Variants in GRIK3 observed in about 807,000 individuals in gnomAD.
The protein encoded by GRIK3 is glutamate ionotropic receptor kainate type subunit 3, also known as glutamate receptor ionotropic, kainate 3.
GRIK3 carries 29 observed loss-of-function variants against 102.5 expected under a neutral mutation model. The ratio of observed to expected loss-of-function variants is 0.28; its 90% CI spans 0.21 to 0.39. The LOEUF is 0.39. GRIK3 is among the 10% of genes least tolerant of loss of function. GRIK3 has a pLI of 1.00. For synonymous variants in GRIK3, 511 were observed against 504.9 expected (o/e 1.01, Z -0.16); for missense variants, 908 against 1,252.4 (o/e 0.73, Z 4.15).
rs549140841 is a variant in GRIK3, at chr1:36,806,572, G to C, written c.2092-246C>G. Among the ~76,000 whole-genome samples the C allele has an allele frequency of 1.1e-4, 17 of 152,282 alleles. No individual in the cohort carries two copies. The highest frequency in any genetic ancestry group is 4.1e-4 in the African/African-American group (17 of 41,562). On this transcript the variant is annotated intron_variant, in intron 13 of 15. Transcript: ENST00000373091. The surrounding 1 kb of genome is among the most constrained non-coding windows in gnomAD (Gnocchi z 4.0). ...CCTGCTTCCTGGAAACCCTGGCCAT[G>C]GCACAAGTGGTCTTCAAGCTGACTT...
intron 1 of GRIK3, among the ~76,000 whole-genome samples, chr1:36,961,567 C>A (rs1340306878): frequency 1.3e-5 from 2 of 152,178 alleles, no homozygotes; most frequent in Non-Finnish European, 2.9e-5. Flanking sequence ...TGGGGGAGCC[C>A]CTTCCCTCCG....
At chr1:36,955,509 C>T (rs1457574100) in intron 1 of GRIK3, among the ~76,000 whole-genome samples, 2 of 152,234 alleles carry the variant, frequency 1.3e-5, no homozygotes, top group African/African-American at 4.8e-5. Flanking sequence ...GAACCACAGA[C>T]ACAGCACACA....
chr1:36,850,481 C>T lies in GRIK3; in HGVS notation c.1213-57G>A. On this transcript the variant is annotated intron_variant, in intron 8 of 15. Transcript: ENST00000373091. This position sits in a 1 kb window ranked among gnomAD's most constrained non-coding sequence, Gnocchi z 4.0. ...GAGTCCTTGGTCTACCCATCTTCCT[C>T]CATATCGACAAGACCTTCATCTCAT... 1 of 998,740 alleles carries T rather than the reference C, an allele frequency of 1.0e-6. No individual in the cohort carries two copies. Among genetic ancestry groups the T allele is most frequent in the Non-Finnish European group, 1.6e-6 (1 of 621,390 alleles). 61.9% of individuals were successfully genotyped at this position (998,740 alleles called of 1,614,324 possible). A position where few individuals can be genotyped will look rare whatever the true frequency, so the allele number is the denominator to read the frequency against.
At chr1:36,967,929 G>T (rs1642097197) in intron 1 of GRIK3, among the ~76,000 whole-genome samples, 1 of 152,186 alleles carries the variant, frequency 6.6e-6, no homozygotes, top group South Asian at 2.1e-4. Context: ...TGCCCAGTAA[G>T]CCTGTCCTGA....
At chr1:36,804,741 T>G in intron 15 of GRIK3, 1 of 558,258 alleles carries the variant, frequency 1.8e-6, no homozygotes, top group East Asian at 3.0e-5. Flanking sequence ...GGAGGGCCAG[T>G]TTGAAGGCTG....
intron 1 of GRIK3, among the ~76,000 whole-genome samples, chr1:36,920,141 CT>C (rs1641450236): frequency 6.6e-6 from 1 of 152,224 alleles, no homozygotes. Context: ...GGCCTTGGTT[CT>C]GTGAGCTCAT....
intron 1 of GRIK3, among the ~76,000 whole-genome samples, chr1:36,893,552 G>C (rs867829716): frequency 1.3e-5 from 2 of 152,144 alleles, no homozygotes; most frequent in African/African-American, 4.8e-5. Context: ...GCTTTGGTGC[G>C]GGAATAGTTG....
At chr1:36,892,645 C>T (rs573574814) in intron 1 of GRIK3, among the ~76,000 whole-genome samples, 2 of 152,094 alleles carry the variant, frequency 1.3e-5, no homozygotes, top group Admixed American at 1.3e-4. Context: ...AGTTTAATTC[C>T]AATCAGAATC....
At chr1:36,902,889 G>A (rs1240311995) in intron 1 of GRIK3, among the ~76,000 whole-genome samples, 1 of 152,048 alleles carries the variant, frequency 6.6e-6, no homozygotes, top group African/African-American at 2.4e-5. Flanking sequence ...TCCTGGGTTC[G>A]AGTGATTCTC....
chr1:36,842,639 C>G (rs909797190), intron 9 of GRIK3, among the ~76,000 whole-genome samples: 8 of 152,158 alleles, frequency 5.3e-5, no homozygotes, highest in Admixed American at 5.2e-4. Context: ...GTGGCTGTGC[C>G]GGGCACTGGT....
At chr1:36,925,983 C>T (rs1486577394) in intron 1 of GRIK3, among the ~76,000 whole-genome samples, 2 of 152,212 alleles carry the variant, frequency 1.3e-5, no homozygotes, top group Non-Finnish European at 2.9e-5. Context: ...AAGGTTGATG[C>T]TCTAGATCAA....
At chr1:36,912,538 G>A (rs901025916) in intron 1 of GRIK3, among the ~76,000 whole-genome samples, 1 of 151,986 alleles carries the variant, frequency 6.6e-6, no homozygotes, top group Non-Finnish European at 1.5e-5. Flanking sequence ...GATTCCTGGA[G>A]CCGCCTCCCA....
intron 1 of GRIK3, among the ~76,000 whole-genome samples, chr1:36,984,745 G>C (rs923061454): frequency 3.9e-5 from 6 of 152,230 alleles, no homozygotes; most frequent in Non-Finnish European, 8.8e-5. Flanking sequence ...TGGCTGAAGG[G>C]GTGCCCCCAC....
At chr1:36,887,481 G>A (rs929837413) in intron 2 of GRIK3, among the ~76,000 whole-genome samples, 8 of 152,112 alleles carry the variant, frequency 5.3e-5, no homozygotes, top group Non-Finnish European at 8.8e-5. Flanking sequence ...TATAGGCGGG[G>A]CGTGGTGGCT....
intron 1 of GRIK3, among the ~76,000 whole-genome samples, chr1:36,995,605 A>T (rs1406590684): frequency 6.6e-6 from 1 of 152,192 alleles, no homozygotes; most frequent in African/African-American, 2.4e-5. Context: ...CCATCCTTGG[A>T]ATGTGTCTGC....
intron 1 of GRIK3, among the ~76,000 whole-genome samples, chr1:36,983,808 T>A (rs1052206991): frequency 1.3e-5 from 2 of 152,174 alleles, no homozygotes; most frequent in East Asian, 3.8e-4. Context: ...TAATAATATA[T>A]TTATGAAATT....
rs1274226887 is a variant in GRIK3, at chr1:36,841,749, T to A, written c.1517A>T (p.Glu506Val). ...DKGQWNGMVK[E>V]LIDHKADLAV... The stretch of plus-strand genomic sequence containing the variant: ...ATCCATGCTTACGTGGTCGATGAGC[T>A]CCTTGACCATGCCGTTCCACTGGCC... Residue 506 changes from glutamate to valine, a missense_variant, in exon 10 of 16, where the codon GAG becomes GTG. By Grantham distance (121) the Glu-to-Val change is moderately radical (BLOSUM62 -2). Around this residue, in one of 3 missense-constraint regions of GRIK3, gnomAD observed 585 missense variants for 824.9 expected, o/e 0.71. Transcript: ENST00000373091. 1.9e-6 allele frequency: 3 copies of A among 1,613,894 alleles called. No individual in the cohort carries two copies. The highest frequency in any genetic ancestry group is 3.3e-5 in the Admixed American group (2 of 60,000).
chr1:37,033,532 G>T (rs913598453), intron 1 of GRIK3, among the ~76,000 whole-genome samples: 4 of 152,188 alleles, frequency 2.6e-5, no homozygotes, highest in African/African-American at 9.6e-5. Flanking sequence ...CTGCGACCTC[G>T]CTGCGGCTGC....
rs1230896908 is a variant in GRIK3, at chr1:37,008,705, A to G, written c.115+25289T>C. Among the ~76,000 whole-genome samples, 3 of 152,300 alleles carry G rather than the reference A, an allele frequency of 2.0e-5. No individual in the cohort carries two copies. The East Asian group carries it at 5.8e-4, about 29-fold the overall frequency. On this transcript the variant is annotated intron_variant, in intron 1 of 15. Coordinates refer to ENST00000373091, the MANE Select transcript of GRIK3 (RefSeq NM_000831.4). Reference sequence around the variant, plus strand: ...CCATGCACTCACCACCCCTGCTCCCAGACAGGGATGGCCCCGCTTGCCTGA... The same window carrying G: ...CCATGCACTCACCACCCCTGCTCCCGGACAGGGATGGCCCCGCTTGCCTGA...
Sources: gnomAD v4.1 joint callset for allele counts (sites outside exome capture counted in the v4.1 genomes callset) on GRCh38, gnomAD v4.1.1 for gene constraint, gnomAD v4.1.1 regional missense constraint, Gnocchi (gnomAD v3.1) non-coding constraint, MANE v1.5 for transcripts, NCBI Gene and HGNC (gene_info 2026-07-23, HGNC 2026-07-21) for gene names.